Variants in NRG1 observed in about 807,000 individuals in gnomAD.
NRG1 encodes neuregulin 1, also known as pro-neuregulin-1, membrane-bound isoform.
NRG1 carries 18 observed loss-of-function variants against 63.8 expected under a neutral mutation model. That is an observed-to-expected ratio of 0.28 (90% CI 0.19 to 0.42). The LOEUF (loss-of-function observed/expected upper bound fraction) is 0.42, where lower values mean the gene tolerates loss of function less well. NRG1 is among the 10% of genes least tolerant of loss of function. The probability of loss-of-function intolerance (pLI) is 1.00; values close to 1 mark genes in which losing one functional copy is unlikely to be tolerated. For synonymous variants in NRG1, 302 were observed against 301.3 expected, an observed-to-expected ratio of 1.00 and a Z score of -0.02; for missense variants, 762 against 814.7, an observed-to-expected ratio of 0.94 and a Z score of 0.79.
chr8:32,200,423 A>T (rs528589016), intron 1 of NRG1, among the ~76,000 whole-genome samples: 1 of 151,986 alleles, frequency 6.6e-6, no homozygotes, highest in East Asian at 1.9e-4. Context: ...GGATTTTTTT[A>T]ACCGTTTTGT....
At chr8:32,567,635 T>C (rs1175174397) in intron 1 of NRG1, among the ~76,000 whole-genome samples, 1 of 152,210 alleles carries the variant, frequency 6.6e-6, no homozygotes, top group African/African-American at 2.4e-5. Context: ...AAACTTTGGG[T>C]GCCCCTCACT....
intron 1 of NRG1, among the ~76,000 whole-genome samples, chr8:31,948,257 A>G (rs1448558176): frequency 6.6e-6 from 1 of 152,144 alleles, no homozygotes; most frequent in African/African-American, 2.4e-5. Flanking sequence ...CACTTTAGCT[A>G]TAGAGCTTTT....
intron 1 of NRG1, among the ~76,000 whole-genome samples, chr8:32,150,425 A>G (rs1331879779): frequency 6.6e-6 from 1 of 152,186 alleles, no homozygotes; most frequent in Non-Finnish European, 1.5e-5. Context: ...TGATTAAGTC[A>G]TGAGGGGTTC....
intron 3 of NRG1, among the ~76,000 whole-genome samples, chr8:32,610,652 A>G (rs559471002): frequency 1.3e-5 from 2 of 152,264 alleles, no homozygotes; most frequent in East Asian, 1.9e-4. Context: ...GCCAACCTAC[A>G]TTTTAGAAAT....
chr8:32,568,737 T>C (rs994527523), intron 1 of NRG1, among the ~76,000 whole-genome samples: 3 of 152,214 alleles, frequency 2.0e-5, no homozygotes, highest in African/African-American at 7.2e-5. Context: ...CTGCTCACTA[T>C]GAAAGTTTGC....
At chr8:32,679,342 T>C (rs1808014456) in intron 5 of NRG1, among the ~76,000 whole-genome samples, 1 of 152,194 alleles carries the variant, frequency 6.6e-6, no homozygotes, top group Non-Finnish European at 1.5e-5. Flanking sequence ...TACATGTTCA[T>C]TTTCTAAATA....
chr8:32,717,376 TG>T (rs1204942037), intron 5 of NRG1, among the ~76,000 whole-genome samples: 1 of 152,230 alleles, frequency 6.6e-6, no homozygotes, highest in Non-Finnish European at 1.5e-5. Flanking sequence ...TAGATTTTCA[TG>T]TGTTATTTGG....
At chr8:31,958,754 T>G (rs1407332631) in intron 1 of NRG1, among the ~76,000 whole-genome samples, 1 of 152,166 alleles carries the variant, frequency 6.6e-6, no homozygotes, top group African/African-American at 2.4e-5. Context: ...AAATCAAAAT[T>G]TTAAGTTTTT....
intron 1 of NRG1, among the ~76,000 whole-genome samples, chr8:32,222,382 T>C (rs779032002): frequency 2.0e-5 from 3 of 152,198 alleles, no homozygotes; most frequent in Non-Finnish European, 1.5e-5. Flanking sequence ...TGTAAACAAT[T>C]GGAATTTCTA....
intron 1 of NRG1, among the ~76,000 whole-genome samples, chr8:32,587,318 A>G (rs892974132): frequency 3.3e-5 from 5 of 152,152 alleles, no homozygotes. Context: ...GAAATAAATG[A>G]GCTAGCAAGG....
intron 1 of NRG1, among the ~76,000 whole-genome samples, chr8:32,535,500 G>A (rs530758444): frequency 1.1e-4 from 16 of 152,058 alleles, no homozygotes; most frequent in South Asian, 6.2e-4. Context: ...AACAAACCAC[G>A]ACCCTCTAAA....
At chr8:31,708,121 T>A (rs1160358413) in intron 1 of NRG1, among the ~76,000 whole-genome samples, 1 of 152,206 alleles carries the variant, frequency 6.6e-6, no homozygotes, top group Non-Finnish European at 1.5e-5. Context: ...AACACCACCT[T>A]AAGACACGCA....
chr8:31,840,239 TA>T (rs888760469), intron 1 of NRG1, among the ~76,000 whole-genome samples: 1 of 152,190 alleles, frequency 6.6e-6, no homozygotes, highest in African/African-American at 2.4e-5. Context: ...CCAGTCTACC[TA>T]GTCCATAGTA....
chr8:32,323,594 C>G (rs1040518385), intron 1 of NRG1, among the ~76,000 whole-genome samples: 1 of 152,240 alleles, frequency 6.6e-6, no homozygotes, highest in Non-Finnish European at 1.5e-5. Flanking sequence ...AATGATAAAA[C>G]GTTGAGTCAT....
chr8:32,448,224 T>C (rs1820512425), intron 1 of NRG1, among the ~76,000 whole-genome samples: 3 of 152,202 alleles, frequency 2.0e-5, no homozygotes, highest in Non-Finnish European at 4.4e-5. Context: ...TATTACCAAC[T>C]GATGTAGATA....
At chr8:32,244,779 C>T (rs911808650) in intron 1 of NRG1, among the ~76,000 whole-genome samples, 10 of 152,158 alleles carry the variant, frequency 6.6e-5, no homozygotes, top group African/African-American at 2.2e-4. Context: ...GTAACATCAC[C>T]TAAACCAGCT....
chr8:32,343,508 C>T (rs1262478612), intron 1 of NRG1, among the ~76,000 whole-genome samples: 1 of 152,100 alleles, frequency 6.6e-6, no homozygotes, highest in Non-Finnish European at 1.5e-5. Context: ...TTGCTATGAA[C>T]TTTAGAAACT....
intron 5 of NRG1, among the ~76,000 whole-genome samples, chr8:32,703,034 A>G (rs1336576347): frequency 6.6e-6 from 1 of 152,200 alleles, no homozygotes; most frequent in Non-Finnish European, 1.5e-5. Flanking sequence ...CCTTAAATAA[A>G]TCAACAGTTT....
intron 1 of NRG1, among the ~76,000 whole-genome samples, chr8:32,220,644 A>G (rs1160298525): frequency 6.6e-6 from 1 of 152,190 alleles, no homozygotes; most frequent in Non-Finnish European, 1.5e-5. Context: ...GATATTTTCC[A>G]AAAATATCCT....
Sources: allele counts gnomAD v4.1 joint callset (sites outside exome capture counted in the v4.1 genomes callset), GRCh38; gene constraint gnomAD v4.1.1; transcripts MANE v1.5; gene names NCBI Gene and HGNC (gene_info 2026-07-23, HGNC 2026-07-21).